HOXB3: variants seen among roughly 807,000 people sequenced by gnomAD.
HOXB3 encodes homeobox B3.
Under a neutral mutation model 29.2 loss-of-function variants are expected in HOXB3, and 17 were observed. The ratio of observed to expected loss-of-function variants is 0.58; its 90% CI spans 0.40 to 0.87. The LOEUF (loss-of-function observed/expected upper bound fraction) is 0.87, where lower values mean the gene tolerates loss of function less well. Ranked by LOEUF, HOXB3 falls within the 40% of genes least tolerant of loss-of-function variation. The probability of loss-of-function intolerance (pLI) is 0.00; values close to 1 mark genes in which losing one functional copy is unlikely to be tolerated. For synonymous variants in HOXB3, 317 were observed against 285.9 expected, an observed-to-expected ratio of 1.11 and a Z score of -1.10; for missense variants, 637 against 616.3, an observed-to-expected ratio of 1.03 and a Z score of -0.35.
rs758323180 is a variant in HOXB3 at position 48,551,141 on chromosome 17, T to G, written c.489A>C (p.Gly163=). Residue 163 remains glycine (G), a synonymous_variant, in exon 5 of 5, where the codon GGA becomes GGC. Coordinates refer to ENST00000498678, the MANE Select transcript of HOXB3 (RefSeq NM_001384749.1). The stretch of plus-strand genomic sequence containing the variant: ...CACCGCCCCCGCTGCCACCACTGCC[T>G]CCGCCGCCGCCGCCACCGCCGCCGC... The part of the protein sequence containing the change: ...CGGGGGGGGG[G]GSGGSGGGGG... 4.2e-5 allele frequency: 55 copies of G among 1,307,188 alleles called. No homozygotes were observed. The highest frequency in any genetic ancestry group is 5.1e-5 in the Non-Finnish European group (53 of 1,029,494). 81.0% of individuals were successfully genotyped at this position (1,307,188 alleles called of 1,614,324 possible).
At chr17:48,552,694 G>A (rs1352077969) in intron 3 of HOXB3, 62 bp from the exon 4 acceptor site, 1 of 476,022 alleles carries the variant, frequency 2.1e-6, no homozygotes, top group Non-Finnish European at 3.7e-6. Flanking sequence ...TCCATCTTAG[G>A]AACTGAAAAG....
intron 2 of HOXB3, among the ~76,000 whole-genome samples, chr17:48,563,106 T>TTGG (rs2069255491): frequency 6.6e-6 from 1 of 152,032 alleles, no homozygotes; most frequent in Non-Finnish European, 1.5e-5. Flanking sequence ...CCAACCATAC[T>TTGG]CACTAATTCC....
intron 2 of HOXB3, among the ~76,000 whole-genome samples, chr17:48,558,751 G>A (rs966805968): frequency 2.6e-5 from 4 of 152,132 alleles, no homozygotes; most frequent in African/African-American, 4.8e-5. Context: ...GGACGCCAGA[G>A]CAGGCTGAGG....
chr17:48,565,122 G>A (rs2069349083), intron 2 of HOXB3, among the ~76,000 whole-genome samples: 1 of 152,096 alleles, frequency 6.6e-6, no homozygotes, highest in Non-Finnish European at 1.5e-5. Context: ...AACCCACAAG[G>A]GGGAAGAAAA....
In HOXB3 at chr17:48,552,574, C is replaced by G. The variant is rs575523427; in HGVS notation, c.-100G>C. 9 of 780,398 alleles carry G rather than the reference C, an allele frequency of 1.2e-5. No homozygotes were observed. The highest frequency in any genetic ancestry group is 1.3e-5 in the Non-Finnish European group (7 of 519,118). The allele number at this position is 780,398 out of a possible 1,614,324, so 48.3% of individuals were successfully genotyped here. A position where few individuals can be genotyped will look rare whatever the true frequency, so the allele number is the denominator to read the frequency against. ...TGGGGGTCACGTGACACGCCGGACC[C>G]CCCCCCCCCACCTCCCCTCTCTGCC... On this transcript the variant is annotated 5_prime_UTR_variant, in exon 4 of 5. Coordinates refer to ENST00000498678, the MANE Select transcript of HOXB3 (RefSeq NM_001384749.1).
intron 1 of HOXB3, among the ~76,000 whole-genome samples, chr17:48,589,043 G>A (rs910994639): frequency 2.6e-5 from 3 of 113,538 alleles, no homozygotes; most frequent in African/African-American, 8.6e-5. Flanking sequence ...TAAATTGGAG[G>A]GGGGTCAATT....
intron 2 of HOXB3, among the ~76,000 whole-genome samples, chr17:48,557,622 G>A (rs941128235): frequency 6.6e-6 from 1 of 152,190 alleles, no homozygotes; most frequent in South Asian, 2.1e-4. Context: ...CACTTGCAGA[G>A]CCTCAGAATG....
chr17:48,552,011 G>A lies in HOXB3; in HGVS notation c.448+16C>T, dbSNP rs940222100. On this transcript the variant is annotated intron_variant, in intron 4 of 4. Transcript: ENST00000498678. ...TCCGACAAAAGCTGAGGACAAGGAAGGCAGAGAACTGGTACCTGTGCCGGG... is the reference window on the plus strand; with the variant it reads ...TCCGACAAAAGCTGAGGACAAGGAAAGCAGAGAACTGGTACCTGTGCCGGG... 1.3e-6 allele frequency: 2 copies of A among 1,544,004 alleles called. No individual in the cohort carries two copies. Among genetic ancestry groups the A allele is most frequent in the African/African-American group, 1.4e-5 (1 of 73,164 alleles).
At chr17:48,559,215 G>A (rs1408646588) in intron 2 of HOXB3, among the ~76,000 whole-genome samples, 2 of 152,050 alleles carry the variant, frequency 1.3e-5, no homozygotes, top group African/African-American at 2.4e-5. Flanking sequence ...AGGGCTACCC[G>A]CCCTTCTAGA....
intron 2 of HOXB3, among the ~76,000 whole-genome samples, chr17:48,565,295 C>G (rs2069355127): frequency 6.6e-6 from 1 of 152,202 alleles, no homozygotes; most frequent in Non-Finnish European, 1.5e-5. Flanking sequence ...GGCACTTCAG[C>G]TCCTGCCACA....
rs985347186 is a variant in HOXB3 at position 48,555,525 on chromosome 17, G to C, written c.-159+6C>G. 1.1e-5 allele frequency: 8 copies of C among 702,592 alleles called. No individual in the cohort carries two copies. In the African/African-American group the frequency reaches 1.4e-4, roughly 12 times the overall value. 43.5% of individuals were successfully genotyped at this position (702,592 alleles called of 1,614,324 possible). A position where few individuals can be genotyped will look rare whatever the true frequency, so the allele number is the denominator to read the frequency against. ...CAAACTGATAGCCTATTTCAGTCCA[G>C]CTTACCTTAGCCACCGACGAGGGGA... On this transcript the variant is annotated splice_donor_region_variant and intron_variant, in intron 3 of 4. Coordinates refer to ENST00000498678, the MANE Select transcript of HOXB3 (RefSeq NM_001384749.1).
chr17:48,579,529 T>C (rs2069879226), intron 1 of HOXB3: 3 of 152,456 alleles, frequency 2.0e-5, no homozygotes, highest in Non-Finnish European at 4.4e-5. Flanking sequence ...TCATTTTTTT[T>C]CGCAATTTCC....
intron 1 of HOXB3, chr17:48,577,966 C>T: frequency 7.7e-7 from 1 of 1,294,794 alleles, no homozygotes; most frequent in Non-Finnish European, 9.8e-7. Context: ...AGGGAGGCGG[C>T]GGGGGGCTGC....
At position 48,550,987 on chromosome 17, in the gene HOXB3, G is replaced by C. The variant is rs767804647; in HGVS notation, c.643C>G (p.Arg215Gly). The C allele has an allele frequency of 2.5e-6, 4 of 1,613,592 alleles. No homozygotes were observed. The South Asian group carries it at 3.3e-5, about 13-fold the overall frequency. The change falls in exon 5 of 5, where the codon CGG (arginine) becomes GGG (glycine). Residue 215 changes from arginine to glycine, a missense_variant. Coordinates refer to ENST00000498678, the MANE Select transcript of HOXB3 (RefSeq NM_001384749.1). Reference sequence around the variant, plus strand: ...TTGGCCATCTCTACACGGCGAGGCCGGCACAGGTAGCGGTTAAAATGGAAC... The same window carrying C: ...TTGGCCATCTCTACACGGCGAGGCCCGCACAGGTAGCGGTTAAAATGGAAC... ...KEFHFNRYLC[R>G]PRRVEMANLL...
At chr17:48,563,908 A>T (rs190238782) in intron 2 of HOXB3, among the ~76,000 whole-genome samples, 1 of 151,104 alleles carries the variant, frequency 6.6e-6, no homozygotes, top group East Asian at 2.0e-4. Context: ...ACAGCCCCCA[A>T]CTGCCCTGGA....
chr17:48,577,547 C>T (rs189039690), intron 1 of HOXB3, among the ~76,000 whole-genome samples: 55 of 152,338 alleles, frequency 3.6e-4, no homozygotes, highest in African/African-American at 1.3e-3. Flanking sequence ...TCCTTCTCCT[C>T]CTCCACCTCC....
Position 48,588,993 on chromosome 17 carries a change from G to C in HOXB3, c.-425+1132C>G, listed in dbSNP as rs187483958. ...AGCTGAATCAAGGGATGGCAGGCTGGTGAAAGTAGGAGTGACAGGGTAGTT... is the reference window on the plus strand; with the variant it reads ...AGCTGAATCAAGGGATGGCAGGCTGCTGAAAGTAGGAGTGACAGGGTAGTT... On this transcript the variant is annotated intron_variant, in intron 1 of 4. Coordinates refer to ENST00000498678, the MANE Select transcript of HOXB3 (RefSeq NM_001384749.1). Among the ~76,000 whole-genome samples the C allele has an allele frequency of 4.1e-3, 627 of 152,326 alleles. 4 individuals are homozygous for C. The highest frequency in any genetic ancestry group is 5.6e-3 in the Non-Finnish European group (381 of 68,040).
chr17:48,578,153 C>G (rs762349263), intron 1 of HOXB3: 1 of 1,592,564 alleles, frequency 6.3e-7, no homozygotes, highest in Non-Finnish European at 8.6e-7. Flanking sequence ...CGCCGCGCGC[C>G]GCCCGAAGCC....
At chr17:48,577,141 T>A in intron 1 of HOXB3, 1 of 963,712 alleles carries the variant, frequency 1.0e-6, no homozygotes, top group Non-Finnish European at 1.4e-6. Flanking sequence ...TTCTTCCTTC[T>A]GAGGGAGAGC....
Sources: gnomAD v4.1 joint callset for allele counts (sites outside exome capture counted in the v4.1 genomes callset) on GRCh38, gnomAD v4.1.1 for gene constraint, MANE v1.5 for transcripts, NCBI Gene and HGNC (gene_info 2026-07-23, HGNC 2026-07-21) for gene names.